The following ROBO2 variants were observed in gnomAD, a reference collection of about 807,000 sequenced individuals.
ROBO2 encodes roundabout homolog 2.
Under a neutral mutation model 160.8 loss-of-function variants are expected in ROBO2, and 53 were observed. That is an observed-to-expected ratio of 0.33 (90% CI 0.26 to 0.41). The LOEUF (loss-of-function observed/expected upper bound fraction) is 0.41. Ranked by LOEUF, ROBO2 falls within the 10% of genes least tolerant of loss-of-function variation. The pLI, the probability that ROBO2 is intolerant of heterozygous loss-of-function variation, is 1.00. For synonymous variants in ROBO2, 664 were observed against 611.7 expected, an observed-to-expected ratio of 1.09 and a Z score of -1.26; for missense variants, 1,577 against 1,722.4, an observed-to-expected ratio of 0.92 and a Z score of 1.49.
At chr3:76,100,635 A>T (rs1408934022) in intron 2 of ROBO2, among the ~76,000 whole-genome samples, 1 of 152,224 alleles carries the variant, frequency 6.6e-6, no homozygotes, top group Non-Finnish European at 1.5e-5. Context: ...GAAAAAGATG[A>T]TCCTGGCATA....
At chr3:76,095,056 G>GA (rs2108120875) in intron 2 of ROBO2, among the ~76,000 whole-genome samples, 1 of 152,192 alleles carries the variant, frequency 6.6e-6, no homozygotes, top group African/African-American at 2.4e-5. Flanking sequence ...TAAATTGTAG[G>GA]AAAAAGCGAT....
intron 2 of ROBO2, among the ~76,000 whole-genome samples, chr3:77,268,801 G>C (rs2059301300): frequency 6.6e-6 from 1 of 152,156 alleles, no homozygotes; most frequent in Admixed American, 6.5e-5. Context: ...TTCTGGGCAT[G>C]GCTCTTGGTA....
chr3:76,546,874 G>C (rs2083135773), intron 2 of ROBO2, among the ~76,000 whole-genome samples: 1 of 151,622 alleles, frequency 6.6e-6, no homozygotes, highest in Non-Finnish European at 1.5e-5. Context: ...ATTGACCTAA[G>C]CCAAATTCAA....
intron 2 of ROBO2, among the ~76,000 whole-genome samples, chr3:77,431,570 C>T (rs1377311061): frequency 6.6e-6 from 1 of 152,100 alleles, no homozygotes; most frequent in African/African-American, 2.4e-5. Context: ...ATGACATAGT[C>T]GCTGGACCCT....
chr3:76,977,342 C>T (rs148103388), intron 2 of ROBO2, among the ~76,000 whole-genome samples: 2 of 152,196 alleles, frequency 1.3e-5, no homozygotes, highest in African/African-American at 4.8e-5. Context: ...TCTGAAAATC[C>T]TAATTGAACC....
chr3:77,111,716 C>T (rs934704241), intron 2 of ROBO2, among the ~76,000 whole-genome samples: 1 of 152,036 alleles, frequency 6.6e-6, no homozygotes, highest in Non-Finnish European at 1.5e-5. Flanking sequence ...AATGTTTGTT[C>T]ATGGGAGTTT....
intron 2 of ROBO2, among the ~76,000 whole-genome samples, chr3:77,371,395 C>T (rs2071731463): frequency 6.6e-6 from 1 of 151,172 alleles, no homozygotes; most frequent in African/African-American, 2.4e-5. Flanking sequence ...TCTCCTGCCT[C>T]CCTTCTCCCT....
chr3:76,523,066 C>A (rs1396940028), intron 2 of ROBO2, among the ~76,000 whole-genome samples: 1 of 149,676 alleles, frequency 6.7e-6, no homozygotes, highest in Non-Finnish European at 1.5e-5. Flanking sequence ...ACCTAACCTA[C>A]AGCTAGTACT....
At chr3:77,175,695 G>A (rs1350053413) in intron 2 of ROBO2, among the ~76,000 whole-genome samples, 2 of 151,924 alleles carry the variant, frequency 1.3e-5, no homozygotes, top group Non-Finnish European at 2.9e-5. Flanking sequence ...TGGCCAAGCT[G>A]GGATAGTCAT....
intron 2 of ROBO2, among the ~76,000 whole-genome samples, chr3:77,023,427 T>C (rs2062764442): frequency 1.3e-5 from 2 of 152,222 alleles, no homozygotes; most frequent in Admixed American, 1.3e-4. Context: ...AATTAACTTT[T>C]TGTAAACCAT....
intron 2 of ROBO2, among the ~76,000 whole-genome samples, chr3:76,949,753 G>T (rs2078847540): frequency 6.6e-6 from 1 of 152,206 alleles, no homozygotes; most frequent in African/African-American, 2.4e-5. Flanking sequence ...ACAGGACACA[G>T]GCCAGGCACA....
At chr3:76,130,945 C>T (rs892914250) in intron 2 of ROBO2, among the ~76,000 whole-genome samples, 25 of 152,192 alleles carry the variant, frequency 1.6e-4, no homozygotes, top group Non-Finnish European at 3.5e-4. Context: ...CTCATTGCCC[C>T]CAGCACATTC....
At chr3:76,925,865 A>G (rs2076960149) in intron 2 of ROBO2, among the ~76,000 whole-genome samples, 3 of 152,174 alleles carry the variant, frequency 2.0e-5, no homozygotes, top group African/African-American at 7.2e-5. Flanking sequence ...ACACACTCCT[A>G]TGGATAAAGC....
chr3:76,544,059 A>T (rs548580997), intron 2 of ROBO2, among the ~76,000 whole-genome samples: 1 of 152,172 alleles, frequency 6.6e-6, no homozygotes, highest in African/African-American at 2.4e-5. Context: ...ACACTATTTT[A>T]AAAAATCTCA....
At chr3:76,683,731 TG>T (rs1337056435) in intron 2 of ROBO2, among the ~76,000 whole-genome samples, 2 of 152,142 alleles carry the variant, frequency 1.3e-5, no homozygotes, top group Non-Finnish European at 2.9e-5. Flanking sequence ...TTCCAATGGT[TG>T]TGAAAGCCTT....
chr3:76,379,831 G>C (rs1245651482), intron 2 of ROBO2, among the ~76,000 whole-genome samples: 1 of 152,078 alleles, frequency 6.6e-6, no homozygotes, highest in Non-Finnish European at 1.5e-5. Context: ...ATAGCCTTAG[G>C]AGCTAGTAAT....
chr3:76,457,224 T>G (rs2077810537), intron 2 of ROBO2, among the ~76,000 whole-genome samples: 1 of 152,080 alleles, frequency 6.6e-6, no homozygotes. Flanking sequence ...GCCTGTAAAA[T>G]CAGAAGCAAG....
At chr3:76,899,102 A>G (rs1194898480) in intron 2 of ROBO2, among the ~76,000 whole-genome samples, 1 of 152,120 alleles carries the variant, frequency 6.6e-6, no homozygotes, top group East Asian at 1.9e-4. Flanking sequence ...CTTTCTCCAA[A>G]TGGAAAATCG....
intron 2 of ROBO2, among the ~76,000 whole-genome samples, chr3:77,164,892 G>A (rs1305512347): frequency 1.0e-5 from 1 of 97,304 alleles, no homozygotes; most frequent in African/African-American, 3.5e-5. Context: ...GAGGTGGGGG[G>A]GTCAGCCCCC....
Sources: allele counts gnomAD v4.1 joint callset (sites outside exome capture counted in the v4.1 genomes callset), GRCh38; gene constraint gnomAD v4.1.1; transcripts MANE v1.5; gene names NCBI Gene and HGNC (gene_info 2026-07-23, HGNC 2026-07-21).